CWH43: variants seen among roughly 807,000 people sequenced by gnomAD.
CWH43 encodes cell wall biogenesis 43 C-terminal homolog.
In CWH43, 91 loss-of-function variants were observed where a neutral mutation model predicts 85.7. That is an observed-to-expected ratio of 1.06 (90% CI 0.90 to 1.26). The LOEUF (loss-of-function observed/expected upper bound fraction) is 1.26. CWH43 is among the 50% of genes most tolerant of loss of function. The pLI is 0.00. For missense variants in CWH43, 869 were observed against 839.2 expected (o/e 1.04, Z -0.44); for synonymous variants, 323 against 293.6 (o/e 1.10, Z -1.02).
chr4:48,986,448 G>T lies in CWH43; in HGVS notation c.19G>T (p.Glu7Ter). The change falls in exon 1 of 16, where the codon GAA (glutamate) becomes TAA (stop). Residue 7 changes from glutamate (E) to a stop codon, truncating the protein, a stop_gained. Transcript: ENST00000226432. LOFTEE classifies it high-confidence loss of function. The stretch of plus-strand genomic sequence containing the variant: ...CGCGGCGATGCCCTCGCTGTGGAGA[G>T]AAATCCTCTTGGAGTCGCTGCTGGG... MPSLWR[E>*]ILLESLLGCV... 6.4e-7 allele frequency: 1 copy of T among 1,550,950 alleles called. No individual in the cohort carries two copies.
intron 12 of CWH43, among the ~76,000 whole-genome samples, chr4:49,037,663 C>T (rs1314688158): frequency 6.6e-6 from 1 of 152,026 alleles, no homozygotes; most frequent in Non-Finnish European, 1.5e-5. Context: ...ACCAGTATTC[C>T]TGGCTCTTTT....
At chr4:48,999,670 A>G (rs1329753505) in intron 6 of CWH43, among the ~76,000 whole-genome samples, 1 of 152,212 alleles carries the variant, frequency 6.6e-6, no homozygotes, top group Non-Finnish European at 1.5e-5. Context: ...GTGCATGGCC[A>G]TGTTGCCAGT....
At chr4:49,056,551 T>G (rs1784969538) in intron 15 of CWH43, among the ~76,000 whole-genome samples, 1 of 152,128 alleles carries the variant, frequency 6.6e-6, no homozygotes, top group Non-Finnish European at 1.5e-5. Flanking sequence ...TAATTTGATT[T>G]TCTCTTTTTT....
chr4:49,008,586 T>G (rs1390084036), intron 8 of CWH43, among the ~76,000 whole-genome samples: 1 of 152,208 alleles, frequency 6.6e-6, no homozygotes, highest in Non-Finnish European at 1.5e-5. Flanking sequence ...TAGGTTTTCT[T>G]CTAGCGCTTT....
intron 13 of CWH43, among the ~76,000 whole-genome samples, chr4:49,041,290 G>A (rs1021328704): frequency 3.9e-5 from 6 of 152,178 alleles, no homozygotes; most frequent in Non-Finnish European, 2.9e-5. Flanking sequence ...GAAAGTCATT[G>A]GTAGCCTGAT....
chr4:48,987,628 T>A (rs1782535713), intron 1 of CWH43, among the ~76,000 whole-genome samples: 1 of 152,144 alleles, frequency 6.6e-6, no homozygotes, highest in Admixed American at 6.5e-5. Context: ...TGGGGCTGTA[T>A]AAGGAATGAG....
intron 13 of CWH43, 53 bp downstream of exon 13, chr4:49,038,233 C>A: frequency 1.4e-6 from 2 of 1,438,272 alleles, no homozygotes; most frequent in Non-Finnish European, 1.9e-6. Flanking sequence ...ATTTCTTTTT[C>A]TTTCATGTTT....
At chr4:49,008,318 CGTTT>C (rs1783236561) in intron 8 of CWH43, among the ~76,000 whole-genome samples, 2 of 151,028 alleles carry the variant, frequency 1.3e-5, no homozygotes, top group Non-Finnish European at 1.5e-5. Flanking sequence ...TTGATGGAGT[CGTTT>C]GTTTTTTTTT....
chr4:49,033,866 GC>G (rs1451670626), intron 12 of CWH43, among the ~76,000 whole-genome samples: 3 of 152,142 alleles, frequency 2.0e-5, no homozygotes, highest in Non-Finnish European at 4.4e-5. Flanking sequence ...ATGACATGAG[GC>G]CACAGAACTT....
At chr4:49,019,345 C>G (rs1277320281) in intron 9 of CWH43, among the ~76,000 whole-genome samples, 1 of 151,874 alleles carries the variant, frequency 6.6e-6, no homozygotes, top group Non-Finnish European at 1.5e-5. Flanking sequence ...AGTTGTGAGG[C>G]CTGGGATGTT....
chr4:49,055,325 TTAAC>T, intron 15 of CWH43, among the ~76,000 whole-genome samples: 1 of 152,320 alleles, frequency 6.6e-6, no homozygotes, highest in South Asian at 2.1e-4. Context: ...TTGCATATAT[TTAAC>T]TATCCTTGCA....
At chr4:49,014,325 C>G (rs1348843468) in intron 8 of CWH43, among the ~76,000 whole-genome samples, 1 of 151,832 alleles carries the variant, frequency 6.6e-6, no homozygotes, top group Non-Finnish European at 1.5e-5. Context: ...TGGTGGTGCA[C>G]CTGCAGTCCC....
At position 49,054,994 on chromosome 4, in the gene CWH43, T is replaced by G. The variant is rs535058730; in HGVS notation, c.2021+4145T>G. ...TTTTCCTTTCCAATTTAGATGTATT[T>G]TATTCCTTTTACTTGCTTAATTGCT... is the stretch of plus-strand genomic sequence containing the variant. On this transcript the variant is annotated intron_variant, in intron 15 of 15. Coordinates refer to ENST00000226432, the MANE Select transcript of CWH43 (RefSeq NM_025087.3). Among the ~76,000 whole-genome samples the G allele has an allele frequency of 2.6e-5, 4 of 152,252 alleles. No homozygotes were observed. In the East Asian group the frequency reaches 7.7e-4, roughly 29 times the overall value.
At chr4:49,033,178 C>A (rs1577692303) in intron 12 of CWH43, among the ~76,000 whole-genome samples, 1 of 152,166 alleles carries the variant, frequency 6.6e-6, no homozygotes, top group Non-Finnish European at 1.5e-5. Flanking sequence ...AAGAAATTTC[C>A]TTTTCCTGCA....
chr4:49,023,176 C>A (rs895133621), intron 9 of CWH43, among the ~76,000 whole-genome samples: 7 of 152,118 alleles, frequency 4.6e-5, no homozygotes, highest in Admixed American at 3.9e-4. Context: ...GCATTTAATG[C>A]TGTGAACTTT....
intron 8 of CWH43, chr4:49,016,618 AAGAGGGC>A: frequency 1.3e-6 from 1 of 744,298 alleles, no homozygotes; most frequent in Non-Finnish European, 2.5e-6. Context: ...GAGGCCACAA[AAGAGGGC>A]AGATGACACC....
intron 9 of CWH43, among the ~76,000 whole-genome samples, chr4:49,023,981 A>C (rs1346358658): frequency 6.6e-6 from 1 of 151,894 alleles, no homozygotes; most frequent in Admixed American, 6.6e-5. Context: ...TATCTATCTC[A>C]TTTCTTAGGT....
intron 15 of CWH43, among the ~76,000 whole-genome samples, chr4:49,057,903 A>G (rs1785016593): frequency 6.6e-6 from 1 of 152,166 alleles, no homozygotes; most frequent in Admixed American, 6.5e-5. Context: ...CTTAAAGTCT[A>G]CTTTGTCTAA....
At chr4:49,010,046 G>C (rs1488753656) in intron 8 of CWH43, among the ~76,000 whole-genome samples, 1 of 152,172 alleles carries the variant, frequency 6.6e-6, no homozygotes, top group African/African-American at 2.4e-5. Context: ...GTTTTAGAAG[G>C]TATGTTACCA....
Sources: gnomAD v4.1 joint callset for allele counts (sites outside exome capture counted in the v4.1 genomes callset) on GRCh38, gnomAD v4.1.1 for gene constraint, MANE v1.5 for transcripts, NCBI Gene and HGNC (gene_info 2026-07-23, HGNC 2026-07-21) for gene names.